The following DMD variants were observed in gnomAD, a reference collection of about 807,000 sequenced individuals.
The protein encoded by DMD is mutant dystrophin.
A neutral mutation model predicts 330.1 loss-of-function variants in DMD; 63 were observed. The observed-to-expected ratio is 0.19, with a 90% CI of 0.16 to 0.24. DMD has a LOEUF of 0.24. DMD is among the 10% of genes least tolerant of loss of function. The pLI, the probability that DMD is intolerant of heterozygous loss-of-function variation, is 1.00. For missense variants in DMD, 3,344 were observed against 2,684.1 expected (o/e 1.25, Z -5.43); for synonymous variants, 1,223 against 959.8 (o/e 1.27, Z -5.07).
chrX:32,633,163 G>A (rs2058858657), intron 11 of DMD, among the ~76,000 whole-genome samples: 1 of 111,349 alleles, frequency 9.0e-6, no homozygotes, highest in South Asian at 3.8e-4. Flanking sequence ...TTATTTCTTT[G>A]CTCCTGCATC....
chrX:33,122,339 T>G, intron 1 of DMD, among the ~76,000 whole-genome samples: 1 of 112,968 alleles, frequency 8.9e-6, no homozygotes, highest in Middle Eastern at 4.6e-3. Context: ...TGTATATATT[T>G]TAACTTAATT....
At chrX:32,693,495 C>T (rs2063432805) in intron 9 of DMD, among the ~76,000 whole-genome samples, 1 of 111,827 alleles carries the variant, frequency 8.9e-6, no homozygotes, top group African/African-American at 3.3e-5. Flanking sequence ...GGCTGGAGTG[C>T]AGTGGCCGAT....
At chrX:32,738,841 T>G (rs973855644) in intron 7 of DMD, among the ~76,000 whole-genome samples, 1 of 111,684 alleles carries the variant, frequency 9.0e-6, no homozygotes, top group African/African-American at 3.3e-5. Context: ...GAAATGAATC[T>G]TTCAAAAGGA....
intron 50 of DMD, among the ~76,000 whole-genome samples, chrX:31,790,544 T>C (rs955772779): frequency 1.8e-5 from 2 of 112,012 alleles, no homozygotes; most frequent in African/African-American, 6.5e-5. Flanking sequence ...ATATAGGTTA[T>C]AGTAACTTGT....
At chrX:32,459,279 C>A (rs1288782514) in intron 25 of DMD, among the ~76,000 whole-genome samples, 1 of 110,751 alleles carries the variant, frequency 9.0e-6, no homozygotes, top group Non-Finnish European at 1.9e-5. Flanking sequence ...TATCCCCAAA[C>A]TAATCAAGTT....
intron 1 of DMD, among the ~76,000 whole-genome samples, chrX:33,026,034 A>T (rs963914023): frequency 6.3e-5 from 7 of 110,893 alleles, no homozygotes; most frequent in Non-Finnish European, 1.3e-4. Context: ...AGTTAATTTC[A>T]CTTAAAGAAA....
chrX:32,286,925 G>GT (rs775365607), intron 43 of DMD, among the ~76,000 whole-genome samples: 1 of 111,885 alleles, frequency 8.9e-6, no homozygotes, highest in African/African-American at 3.2e-5. Flanking sequence ...AAAAGAAAGA[G>GT]TAATCCACTT....
At chrX:31,227,834 A>G (rs1451857264) in intron 63 of DMD, among the ~76,000 whole-genome samples, 1 of 110,851 alleles carries the variant, frequency 9.0e-6, no homozygotes, top group Non-Finnish European at 1.9e-5. Flanking sequence ...ATTATTCACA[A>G]TAGCAAAGAC....
intron 55 of DMD, among the ~76,000 whole-genome samples, chrX:31,552,942 A>T (rs2074577747): frequency 8.9e-6 from 1 of 112,057 alleles, no homozygotes; most frequent in Non-Finnish European, 1.9e-5. Context: ...TAGTAGTAGT[A>T]GTATGGAAAG....
chrX:32,174,755 A>T (rs906382229), intron 44 of DMD, among the ~76,000 whole-genome samples: 1 of 105,290 alleles, frequency 9.5e-6, no homozygotes, highest in South Asian at 4.1e-4. Flanking sequence ...TTCTATAGAT[A>T]TTTTTTTTTT....
chrX:31,416,784 C>G (rs765521530), intron 60 of DMD, among the ~76,000 whole-genome samples: 1 of 111,957 alleles, frequency 8.9e-6, no homozygotes. Flanking sequence ...AATAGTTGCA[C>G]GTGACCTAAA....
intron 47 of DMD, among the ~76,000 whole-genome samples, chrX:31,885,672 T>C (rs1603535798): frequency 9.3e-6 from 1 of 107,965 alleles, no homozygotes; most frequent in African/African-American, 3.4e-5. Context: ...AATGGATCTA[T>C]TTAAACTTAT....
At chrX:33,104,039 A>G (rs2095264781) in intron 1 of DMD, among the ~76,000 whole-genome samples, 1 of 111,941 alleles carries the variant, frequency 8.9e-6, no homozygotes, top group Admixed American at 9.5e-5. Context: ...GAATATCAGT[A>G]GATTTTAGCA....
intron 30 of DMD, among the ~76,000 whole-genome samples, chrX:32,395,759 A>G (rs1335389628): frequency 9.0e-6 from 1 of 110,906 alleles, no homozygotes; most frequent in Non-Finnish European, 1.9e-5. Context: ...GAAACAAGCT[A>G]GCAAAGATTA....
chrX:32,229,681 C>CATATATATATATATATATAT (rs55916475), intron 43 of DMD, among the ~76,000 whole-genome samples: 1 of 24,342 alleles, frequency 4.1e-5, no homozygotes, highest in Non-Finnish European at 7.1e-5. Context: ...AGAGTTTCAT[C>CATATATATATATATATATAT]ATATATATAT....
At chrX:33,326,448 C>A (rs756967627) in intron 1 of DMD, among the ~76,000 whole-genome samples, 1 of 111,640 alleles carries the variant, frequency 9.0e-6, no homozygotes, top group East Asian at 2.8e-4. Flanking sequence ...GATTATAAAG[C>A]ATGTACCAAG....
At chrX:31,492,492 G>A (rs1189917225) in intron 57 of DMD, among the ~76,000 whole-genome samples, 1 of 111,993 alleles carries the variant, frequency 8.9e-6, no homozygotes, top group Non-Finnish European at 1.9e-5. Context: ...GAAGGAGAGT[G>A]TTTTGTGTCA....
chrX:32,153,198 G>A, intron 44 of DMD, among the ~76,000 whole-genome samples: 1 of 111,952 alleles, frequency 8.9e-6, no homozygotes, highest in Admixed American at 9.5e-5. Flanking sequence ...TCACATCACA[G>A]TATTTTATAT....
chrX:32,332,253 G>A (rs972664689), intron 41 of DMD, among the ~76,000 whole-genome samples: 2 of 111,241 alleles, frequency 1.8e-5, no homozygotes, highest in African/African-American at 6.5e-5. Flanking sequence ...TGAGGACACA[G>A]CAGTGGGAAA....
Sources: allele counts gnomAD v4.1 joint callset (sites outside exome capture counted in the v4.1 genomes callset), GRCh38; gene constraint gnomAD v4.1.1; transcripts MANE v1.5; gene names NCBI Gene and HGNC (gene_info 2026-07-23, HGNC 2026-07-21).